The following BTAF1 variants were observed in gnomAD, a reference collection of about 807,000 sequenced individuals.
BTAF1 encodes B-TFIID TATA-box binding protein associated factor 1, also known as TATA-binding protein-associated factor 172.
In BTAF1, 38 loss-of-function variants were observed where a neutral mutation model predicts 227.1. The ratio of observed to expected loss-of-function variants is 0.17; its 90% CI spans 0.13 to 0.22. The LOEUF is 0.22. BTAF1 is among the 10% of genes least tolerant of loss of function. The probability of loss-of-function intolerance (pLI) is 1.00; values close to 1 mark genes in which losing one functional copy is unlikely to be tolerated. For synonymous variants in BTAF1, 742 were observed against 751.9 expected (o/e 0.99, Z 0.21); for missense variants, 1,598 against 2,204.0 (o/e 0.73, Z 5.51).
chr10:91,981,990 A>G (rs1848094264), intron 16 of BTAF1, 93 bp from the exon 17 acceptor site: 1 of 1,434,016 alleles, frequency 7.0e-7, no homozygotes, highest in East Asian at 2.5e-5. Flanking sequence ...ACTGTATTTT[A>G]CTGGGATTAT....
intron 21 of BTAF1, 104 bp from the exon 22 acceptor site, chr10:91,993,590 C>T: frequency 1.1e-6 from 1 of 889,942 alleles, no homozygotes; most frequent in Admixed American, 3.9e-5. Context: ...TTAATGATAA[C>T]ATTATGAATT....
At chr10:91,952,373 C>CT (rs1845828864) in intron 5 of BTAF1, among the ~76,000 whole-genome samples, 1 of 152,086 alleles carries the variant, frequency 6.6e-6, no homozygotes, top group Non-Finnish European at 1.5e-5. Flanking sequence ...TGCTTCTTAA[C>CT]TTTTTTTATG....
chr10:92,030,922 A>ACAT lies in BTAF1; in HGVS notation c.*1991_*1993dup, dbSNP rs1363403471. On this transcript the variant is annotated 3_prime_UTR_variant, in exon 38 of 38. Transcript: ENST00000265990. ...AATTAAATGACCCAGTCATTGTAGTACATCTTAAGAATAATGAAGAGATGT... is the reference window on the plus strand; with the variant it reads ...AATTAAATGACCCAGTCATTGTAGTACATCATCTTAAGAATAATGAAGAGATGT... Among the ~76,000 whole-genome samples the ACAT allele has an allele frequency of 1.3e-5, 2 of 152,218 alleles. No homozygotes were observed. Among genetic ancestry groups the ACAT allele is most frequent in the Admixed American group, 6.5e-5 (1 of 15,284 alleles).
At position 91,993,797 on chromosome 10, in the gene BTAF1, G is replaced by T. The variant is rs760881785; in HGVS notation, c.3149G>T (p.Trp1050Leu). Residue 1050 changes from tryptophan (W) to leucine (L), a missense_variant, in exon 22 of 38, where the codon TGG (tryptophan) becomes TTG (leucine). Coordinates refer to ENST00000265990, the MANE Select transcript of BTAF1 (RefSeq NM_003972.3). ...GEMAVKLPHL[W>L]DAMVGPLRNT... The stretch of plus-strand genomic sequence containing the variant: ...ATGGCAGTGAAGTTGCCACATCTCT[G>T]GGATGCTATGGTTGGCCCATTGAGG... 371 of 1,608,622 alleles carry T rather than the reference G, an allele frequency of 2.3e-4. No individual in the cohort carries two copies. Among genetic ancestry groups the T allele is most frequent in the Non-Finnish European group, 3.0e-4 (352 of 1,176,924 alleles).
chr10:92,024,461 G>C (rs190864150), intron 34 of BTAF1, among the ~76,000 whole-genome samples: 550 of 152,122 alleles, frequency 3.6e-3, no homozygotes, highest in African/African-American at 0.012. Context: ...GAGGCAGGAG[G>C]GTCACTTGAG....
chr10:91,963,531 A>C lies in BTAF1; in HGVS notation c.1405-546A>C, dbSNP rs187230556. ...GATCTTCCCAGTCTTGGCCTTCCAG[A>C]GTGCTGGGGTTACTGGTGTGACTCA... On this transcript the variant is annotated intron_variant, in intron 12 of 37. Transcript: ENST00000265990. Among the ~76,000 whole-genome samples the C allele has an allele frequency of 5.1e-4, 77 of 152,212 alleles. 1 individual carries two copies. The highest frequency in any genetic ancestry group is 1.8e-3 in the African/African-American group (74 of 41,534).
At chr10:92,011,508 AAAG>A (rs1229951490) in intron 30 of BTAF1, 93 bp downstream of exon 30, 2 of 524,796 alleles carry the variant, frequency 3.8e-6, no homozygotes, top group African/African-American at 2.0e-5. Flanking sequence ...GCGGTGAATT[AAAG>A]AAGATTTTTT....
chr10:91,984,178 A>G (rs1209335292), intron 18 of BTAF1, 23 bp from the exon 19 acceptor site: 8 of 1,603,036 alleles, frequency 5.0e-6, no homozygotes, highest in Non-Finnish European at 6.8e-6. Context: ...CAGTTACCCT[A>G]TTTGTTTTCT....
intron 25 of BTAF1, among the ~76,000 whole-genome samples, chr10:91,999,691 C>T (rs981394080): frequency 1.3e-5 from 2 of 152,128 alleles, no homozygotes; most frequent in Admixed American, 6.6e-5. Flanking sequence ...CCACACCTGG[C>T]GAAGAATATA....
chr10:91,991,859 A>T (rs993152582), intron 20 of BTAF1, among the ~76,000 whole-genome samples: 1 of 150,616 alleles, frequency 6.6e-6, no homozygotes, highest in African/African-American at 2.4e-5. Context: ...ACACAAACAC[A>T]TTAACTGAAG....
chr10:91,988,729 A>G (rs1267002929), intron 19 of BTAF1, among the ~76,000 whole-genome samples: 1 of 152,246 alleles, frequency 6.6e-6, no homozygotes, highest in Non-Finnish European at 1.5e-5. Context: ...GCCACTCTTA[A>G]GTTTTCACGA....
At chr10:91,970,729 G>A (rs1847234767) in intron 14 of BTAF1, among the ~76,000 whole-genome samples, 1 of 152,088 alleles carries the variant, frequency 6.6e-6, no homozygotes, top group South Asian at 2.1e-4. Context: ...TTACAGTATG[G>A]TTGCTATAAG....
intron 13 of BTAF1, among the ~76,000 whole-genome samples, chr10:91,964,566 G>C (rs1317555517): frequency 2.0e-5 from 3 of 152,022 alleles, no homozygotes; most frequent in Non-Finnish European, 4.4e-5. Flanking sequence ...TCGAACATCA[G>C]CTTTAAATTT....
chr10:91,993,308 A>G (rs904367540), intron 21 of BTAF1, among the ~76,000 whole-genome samples: 2 of 152,202 alleles, frequency 1.3e-5, no homozygotes, highest in Non-Finnish European at 2.9e-5. Flanking sequence ...ATCTTGTACT[A>G]TCCCTTAAGT....
At chr10:91,993,606 A>G (rs1226157937) in intron 21 of BTAF1, 88 bp from the exon 22 acceptor site, 5 of 1,036,858 alleles carry the variant, frequency 4.8e-6, no homozygotes, top group Non-Finnish European at 6.4e-6. Context: ...GAATTCTTAG[A>G]TGGTGACTTT....
intron 11 of BTAF1, 128 bp downstream of exon 11, chr10:91,960,282 G>A (rs1040550663): frequency 1.7e-5 from 17 of 1,010,454 alleles, no homozygotes; most frequent in South Asian, 5.7e-5. Flanking sequence ...AAGATTTGCC[G>A]TCTTGAGAGA....
At chr10:91,940,126 T>G in intron 3 of BTAF1, 60 bp downstream of exon 3, 1 of 1,063,358 alleles carries the variant, frequency 9.4e-7, no homozygotes, top group Non-Finnish European at 1.4e-6. Context: ...TTAATTATAA[T>G]ATGCGTTTTG....
chr10:92,008,823 T>C lies in BTAF1; in HGVS notation c.3814-6T>C, dbSNP rs759709926. On this transcript the variant is annotated splice_polypyrimidine_tract_variant and splice_region_variant and intron_variant, in intron 26 of 37. Transcript: ENST00000265990. ...TATTCACATTTATGATTTTTCTCTC[T>C]ATCAGGATGGTGTGAACTGGTTAGC... 3.2e-6 allele frequency: 5 copies of C among 1,579,130 alleles called. No individual in the cohort carries two copies. In the African/African-American group the frequency reaches 5.5e-5, roughly 17 times the overall value.
intron 20 of BTAF1, among the ~76,000 whole-genome samples, chr10:91,990,356 C>T (rs899391250): frequency 1.3e-5 from 2 of 152,054 alleles, no homozygotes; most frequent in African/African-American, 4.8e-5. Context: ...TCTTACCCCC[C>T]TGGTCCATTG....
Sources: allele counts gnomAD v4.1 joint callset (sites outside exome capture counted in the v4.1 genomes callset), GRCh38; gene constraint gnomAD v4.1.1; transcripts MANE v1.5; gene names NCBI Gene and HGNC (gene_info 2026-07-23, HGNC 2026-07-21).